The following FAAH2 variants were observed in gnomAD, a reference collection of about 807,000 sequenced individuals.
FAAH2 encodes fatty-acid amide hydrolase 2.
In FAAH2, 60 loss-of-function variants were observed where a neutral mutation model predicts 36.9. The observed-to-expected ratio is 1.63, with a 90% confidence interval of 1.32 to 2.02. The LOEUF (loss-of-function observed/expected upper bound fraction) is 2.02, where lower values mean the gene tolerates loss of function less well. Among genes scored for constraint, FAAH2 ranks in the 30% most tolerant of loss-of-function variants. FAAH2 has a pLI of 0.00. For synonymous variants in FAAH2, 214 were observed against 143.8 expected, an observed-to-expected ratio of 1.49 and a Z score of -3.49; for missense variants, 689 against 397.5, an observed-to-expected ratio of 1.73 and a Z score of -6.23.
At chrX:57,143,490 T>A in the FAAH2 span, among the ~76,000 whole-genome samples, 2 of 110,493 alleles carry the variant, frequency 1.8e-5, no homozygotes, top group Non-Finnish European at 3.8e-5. Context: ...ATTATTATTA[T>A]TATTGAGATA....
At chrX:57,364,504 A>G (rs1203087881) in intron 5 of FAAH2, among the ~76,000 whole-genome samples, 9 of 102,909 alleles carry the variant, frequency 8.7e-5, no homozygotes, top group African/African-American at 3.2e-4. Flanking sequence ...AATTCTTCCA[A>G]TGATTCAACT....
At chrX:57,163,733 G>A in the FAAH2 span, among the ~76,000 whole-genome samples, 14 of 112,025 alleles carry the variant, frequency 1.2e-4, no homozygotes, top group African/African-American at 3.6e-4. Flanking sequence ...CACACGATGC[G>A]TGCACCCACT....
At chrX:57,215,203 CAT>C in the FAAH2 span, among the ~76,000 whole-genome samples, 2 of 108,189 alleles carry the variant, frequency 1.8e-5, no homozygotes, top group African/African-American at 3.4e-5. Context: ...GACCAACAAA[CAT>C]ATGAAAAAAA....
At chrX:57,354,977 C>G (rs2054123204) in intron 5 of FAAH2, among the ~76,000 whole-genome samples, 1 of 110,784 alleles carries the variant, frequency 9.0e-6, no homozygotes, top group African/African-American at 3.3e-5. Context: ...CTAGCACTGC[C>G]AGGAATTTGC....
In FAAH2 at chrX:57,378,596, C is replaced by T. The variant is rs1238775412; in HGVS notation, c.743-55C>T. The T allele has an allele frequency of 4.2e-6, 5 of 1,190,453 alleles. No individual in the cohort carries two copies. The African/African-American group carries it at 5.3e-5, about 13-fold the overall frequency. On this transcript the variant is annotated intron_variant, in intron 5 of 10. Transcript: ENST00000374900. ...GATTAAACACCATAATGAAATACAA[C>T]ATGCAGGGATCATGTCTTATTTTGG...
intron 7 of FAAH2, among the ~76,000 whole-genome samples, chrX:57,408,814 A>G (rs906199858): frequency 9.0e-6 from 1 of 111,518 alleles, no homozygotes; most frequent in Admixed American, 9.6e-5. Context: ...CTTTACATGT[A>G]ATGAAATGAT....
At chrX:57,136,207 T>G in the FAAH2 span, 2 of 1,210,591 alleles carry the variant, frequency 1.7e-6, no homozygotes, top group Non-Finnish European at 2.2e-6. Context: ...TCCACTGCTT[T>G]GCCAATTATG....
intron 2 of FAAH2, among the ~76,000 whole-genome samples, chrX:57,295,669 C>T: frequency 8.9e-6 from 1 of 112,215 alleles, no homozygotes; most frequent in South Asian, 3.7e-4. Context: ...ATCACCTCAC[C>T]CAGGAAGTGC....
the FAAH2 span, among the ~76,000 whole-genome samples, chrX:57,204,161 A>G: frequency 2.7e-5 from 3 of 111,413 alleles, no homozygotes; most frequent in African/African-American, 6.5e-5. Flanking sequence ...CTGTTCTGCA[A>G]TGCAATCTTC....
At chrX:57,150,800 T>A in the FAAH2 span, among the ~76,000 whole-genome samples, 50,151 of 110,675 alleles carry the variant, frequency 0.45, 11,428 homozygotes, top group African/African-American at 0.89. Context: ...TGATTCTGTC[T>A]TTATGATGTT....
At position 57,452,344 on chromosome X, in the gene FAAH2, A is replaced by T. The variant is rs1381381298; in HGVS notation, c.1423+3626A>T. The stretch of plus-strand genomic sequence containing the variant: ...AAAATCATAACATGCCACTCTCAAG[A>T]GTCCCTCTTGTACCCATGCCAGTCA... On this transcript the variant is annotated intron_variant, in intron 10 of 10. Coordinates refer to ENST00000374900, the MANE Select transcript of FAAH2 (RefSeq NM_174912.4). The T allele has an allele frequency of 1.3e-5, 10 of 750,839 alleles. No homozygotes were observed. In the Admixed American group the frequency reaches 8.7e-4, roughly 65 times the overall value. The allele number at this position is 750,839 out of a possible 1,213,427, so 61.9% of individuals were successfully genotyped here.
chrX:57,469,294 A>T (rs1172910344), intron 10 of FAAH2, among the ~76,000 whole-genome samples: 1 of 111,985 alleles, frequency 8.9e-6, no homozygotes, highest in Non-Finnish European at 1.9e-5. Context: ...ATTAAAAGAC[A>T]CAGACTGACA....
At chrX:57,313,166 T>A (rs1602239759) in intron 3 of FAAH2, among the ~76,000 whole-genome samples, 1 of 104,888 alleles carries the variant, frequency 9.5e-6, no homozygotes, top group Non-Finnish European at 2.0e-5. Context: ...ACCGTTTTTT[T>A]CAAATCACCT....
chrX:57,309,293 C>T (rs1053405378), intron 2 of FAAH2, among the ~76,000 whole-genome samples: 1 of 111,581 alleles, frequency 9.0e-6, no homozygotes, highest in African/African-American at 3.3e-5. Flanking sequence ...ATAATCATAG[C>T]ACCAAAAGAG....
At chrX:57,473,182 G>A (rs768521280) in intron 10 of FAAH2, among the ~76,000 whole-genome samples, 4 of 110,683 alleles carry the variant, frequency 3.6e-5, no homozygotes, top group East Asian at 5.7e-4. Context: ...ATAAACTTTC[G>A]TTTTAGCACT....
chrX:57,278,074 C>G, the FAAH2 span, among the ~76,000 whole-genome samples: 1 of 111,675 alleles, frequency 9.0e-6, no homozygotes, highest in Admixed American at 9.5e-5. Flanking sequence ...AAAAAAACTA[C>G]TTAGTTTCCT....
intron 7 of FAAH2, among the ~76,000 whole-genome samples, chrX:57,410,745 C>T (rs1233883927): frequency 9.0e-6 from 1 of 111,484 alleles, no homozygotes; most frequent in Non-Finnish European, 1.9e-5. Flanking sequence ...TTGTATTCTG[C>T]ACCTCTAGAA....
chrX:57,191,693 C>A, the FAAH2 span, among the ~76,000 whole-genome samples: 2 of 111,960 alleles, frequency 1.8e-5, no homozygotes, highest in Non-Finnish European at 3.8e-5. Context: ...TAGTTTCCTT[C>A]TTCTGCATGT....
At chrX:57,247,556 A>G in the FAAH2 span, among the ~76,000 whole-genome samples, 1 of 111,580 alleles carries the variant, frequency 9.0e-6, no homozygotes, top group East Asian at 2.8e-4. Flanking sequence ...CTTTAACTAT[A>G]TAAGGCCATT....
Sources: gnomAD v4.1 joint callset for allele counts (sites outside exome capture counted in the v4.1 genomes callset) on GRCh38, gnomAD v4.1.1 for gene constraint, MANE v1.5 for transcripts, NCBI Gene and HGNC (gene_info 2026-07-23, HGNC 2026-07-21) for gene names.